Variants in DSCAM observed in about 807,000 individuals in gnomAD.
DSCAM encodes the protein DS cell adhesion molecule.
A neutral mutation model predicts 217.7 loss-of-function variants in DSCAM; 47 were observed. The observed-to-expected ratio is 0.22, with a 90% CI of 0.17 to 0.28. The LOEUF (loss-of-function observed/expected upper bound fraction) is 0.28, where lower values mean the gene tolerates loss of function less well. Ranked by LOEUF, DSCAM falls within the 10% of genes least tolerant of loss-of-function variation. The pLI, the probability that DSCAM is intolerant of heterozygous loss-of-function variation, is 1.00. For synonymous variants in DSCAM, 1,056 were observed against 1,015.3 expected (o/e 1.04, Z -0.76); for missense variants, 2,080 against 2,618.3 (o/e 0.79, Z 4.49).
intron 11 of DSCAM, among the ~76,000 whole-genome samples, chr21:40,260,858 TAATA>T (rs1031682331): frequency 1.3e-5 from 2 of 152,178 alleles, no homozygotes; most frequent in African/African-American, 4.8e-5. Context: ...GATTACATGA[TAATA>T]ATGAAACTAG....
chr21:40,444,515 C>T (rs1033274409), intron 3 of DSCAM, among the ~76,000 whole-genome samples: 17 of 152,196 alleles, frequency 1.1e-4, no homozygotes, highest in Non-Finnish European at 2.2e-4. Flanking sequence ...CCACCTGGAG[C>T]ACCCATGAGC....
intron 15 of DSCAM, among the ~76,000 whole-genome samples, chr21:40,171,071 G>C (rs926444416): frequency 6.6e-6 from 1 of 151,990 alleles, no homozygotes. Flanking sequence ...TTCCAATCTG[G>C]TCTGGTATTT....
intron 1 of DSCAM, among the ~76,000 whole-genome samples, chr21:40,726,438 A>G (rs1342196668): frequency 6.6e-6 from 1 of 152,198 alleles, no homozygotes; most frequent in African/African-American, 2.4e-5. Context: ...GGGCATTCAC[A>G]GTCCATAAAA....
intron 3 of DSCAM, among the ~76,000 whole-genome samples, chr21:40,679,150 A>T (rs1293843052): frequency 6.6e-6 from 1 of 152,228 alleles, no homozygotes; most frequent in Non-Finnish European, 1.5e-5. Context: ...ATTTGATTTT[A>T]GAGTAGTAGA....
At chr21:40,129,230 G>T (rs430433) in intron 19 of DSCAM, among the ~76,000 whole-genome samples, 46,702 of 152,056 alleles carry the variant, frequency 0.31, 8,885 homozygotes, top group South Asian at 0.5. Context: ...GAGCCATGCC[G>T]TGCCGTGCAG....
intron 3 of DSCAM, among the ~76,000 whole-genome samples, chr21:40,451,616 G>A (rs2075720331): frequency 6.6e-6 from 1 of 152,180 alleles, no homozygotes; most frequent in South Asian, 2.1e-4. Context: ...AAACATCCAT[G>A]TGCCAAAGCA....
At chr21:40,457,425 T>C (rs370232657) in intron 3 of DSCAM, among the ~76,000 whole-genome samples, 110 of 152,094 alleles carry the variant, frequency 7.2e-4, no homozygotes, top group African/African-American at 2.6e-3. Flanking sequence ...AGCGGGAGGA[T>C]TGCTTGAGCC....
chr21:40,625,207 A>G (rs1037757355), intron 3 of DSCAM, among the ~76,000 whole-genome samples: 3 of 152,232 alleles, frequency 2.0e-5, no homozygotes, highest in African/African-American at 7.2e-5. Flanking sequence ...AACTCAAAAC[A>G]AAATTAATAT....
At chr21:40,614,955 T>C (rs991840756) in intron 3 of DSCAM, among the ~76,000 whole-genome samples, 1 of 151,528 alleles carries the variant, frequency 6.6e-6, no homozygotes, top group South Asian at 2.1e-4. Context: ...TTTTATTATA[T>C]ATTTTATATA....
rs752887294 is a variant in DSCAM at position 40,042,430 on chromosome 21, G to C, written c.5627C>G (p.Pro1876Arg). The C allele has an allele frequency of 3.1e-6, 5 of 1,614,216 alleles. No individual in the cohort carries two copies. Among genetic ancestry groups the C allele is most frequent in the African/African-American group, 1.3e-5 (1 of 75,054 alleles). ...TACTCTTCCTCCATCCTGAGGTTTG[G>C]GGGGAGATGCAGTGAACCTGCAGAT... ...SGICRFTASPPKPQDGGRVMN... is the reference protein window; with the variant it reads ...SGICRFTASPRKPQDGGRVMN... The change falls in exon 32 of 33, where the codon CCC becomes CGC. Residue 1876 changes from proline (P) to arginine (R), a missense_variant. By Grantham distance (103) the Pro-to-Arg change is moderately radical. This residue lies in a region of DSCAM where 1,144 missense variants were observed against 1,421.1 expected (regional missense o/e 0.81). Coordinates refer to ENST00000400454, the MANE Select transcript of DSCAM (RefSeq NM_001389.5).
chr21:40,629,256 A>C (rs2089654791), intron 3 of DSCAM, among the ~76,000 whole-genome samples: 1 of 152,222 alleles, frequency 6.6e-6, no homozygotes, highest in Non-Finnish European at 1.5e-5. Flanking sequence ...GGACAAGATT[A>C]TCCTTATACA....
chr21:40,554,219 G>T (rs13050571), intron 3 of DSCAM, among the ~76,000 whole-genome samples: 17,357 of 148,138 alleles, frequency 0.12, 1,372 homozygotes, highest in African/African-American at 0.23. Context: ...TTTTTAATGC[G>T]ACAAATTGTT....
At chr21:40,783,847 C>G (rs1435001749) in intron 1 of DSCAM, among the ~76,000 whole-genome samples, 1 of 152,166 alleles carries the variant, frequency 6.6e-6, no homozygotes, top group East Asian at 1.9e-4. Context: ...CTAAAGAACT[C>G]TGGGGAGCAT....
chr21:40,078,671 A>T lies in DSCAM; in HGVS notation c.4711+16T>A, dbSNP rs956678594. On this transcript the variant is annotated intron_variant, in intron 26 of 32. Transcript: ENST00000400454. ...CCAAGACACAAGCAGGAGAGCCACA[A>T]AGCCAGCCAGCTTACTGCCATCGTA... The T allele has an allele frequency of 1.2e-6, 2 of 1,606,560 alleles. No homozygotes were observed. The highest frequency in any genetic ancestry group is 2.7e-5 in the African/African-American group (2 of 74,828).
At chr21:40,603,882 C>T (rs1356468272) in intron 3 of DSCAM, among the ~76,000 whole-genome samples, 1 of 145,672 alleles carries the variant, frequency 6.9e-6, no homozygotes, top group Non-Finnish European at 1.5e-5. Context: ...TAGATTTCTG[C>T]AGTTTGGATA....
chr21:40,302,520 C>A (rs970409253), intron 9 of DSCAM, among the ~76,000 whole-genome samples: 3 of 152,142 alleles, frequency 2.0e-5, no homozygotes, highest in Non-Finnish European at 2.9e-5. Context: ...TGGACTAATA[C>A]AGAGCGGTTT....
intron 18 of DSCAM, among the ~76,000 whole-genome samples, chr21:40,140,782 T>C (rs2090280283): frequency 6.6e-6 from 1 of 152,204 alleles, no homozygotes; most frequent in African/African-American, 2.4e-5. Flanking sequence ...GGGCTGTCCC[T>C]TCTTGGGTCT....
At chr21:40,498,389 A>G (rs74860651) in intron 3 of DSCAM, among the ~76,000 whole-genome samples, 9,359 of 151,594 alleles carry the variant, frequency 0.062, 413 homozygotes, top group African/African-American at 0.12. Flanking sequence ...CGTATAAAAA[A>G]CCACACAGTG....
In DSCAM at chr21:40,842,280, C is replaced by T. The variant is rs144812583; in HGVS notation, c.43+4339G>A. 6.7e-3 allele frequency among the ~76,000 whole-genome samples: 1,014 copies of T among 152,366 alleles called. 5 individuals carry two copies. Among genetic ancestry groups the T allele is most frequent in the Non-Finnish European group, 0.011 (737 of 68,038 alleles). The stretch of plus-strand genomic sequence containing the variant: ...CCACACGCGCTTGTTTGTGTGGGCA[C>T]ACCCCTGGGTGCCTGCCCTGCTCTG... On this transcript the variant is annotated intron_variant, in intron 1 of 32. Coordinates refer to ENST00000400454, the MANE Select transcript of DSCAM (RefSeq NM_001389.5).
Sources: allele counts gnomAD v4.1 joint callset (sites outside exome capture counted in the v4.1 genomes callset), GRCh38; gene constraint gnomAD v4.1.1; regional missense constraint gnomAD v4.1.1; transcripts MANE v1.5; gene names NCBI Gene and HGNC (gene_info 2026-07-23, HGNC 2026-07-21).